Variants in TP53BP1 observed in about 807,000 individuals in gnomAD.
The protein encoded by TP53BP1 is tumor protein p53 binding protein 1.
Under a neutral mutation model 200.8 loss-of-function variants are expected in TP53BP1, and 61 were observed. The observed-to-expected ratio is 0.30, with a 90% CI of 0.25 to 0.38. TP53BP1 has a LOEUF of 0.38. Ranked by LOEUF, TP53BP1 falls within the 10% of genes least tolerant of loss-of-function variation. The pLI is 1.00. For missense variants in TP53BP1, 2,144 were observed against 2,371.9 expected, an observed-to-expected ratio of 0.90 and a Z score of 2.00; for synonymous variants, 822 against 844.3, an observed-to-expected ratio of 0.97 and a Z score of 0.46.
intron 7 of TP53BP1, among the ~76,000 whole-genome samples, chr15:43,479,129 G>C (rs540382982): frequency 2.0e-4 from 31 of 152,266 alleles, no homozygotes; most frequent in African/African-American, 7.2e-4. Context: ...TGTGGCCCCA[G>C]TACTTGGGAG....
chr15:43,435,267 C>A (rs1281564287), intron 16 of TP53BP1, among the ~76,000 whole-genome samples: 102 of 55,650 alleles, frequency 1.8e-3, no homozygotes, highest in South Asian at 3.8e-3. Context: ...GACCCCATCT[C>A]AAAAAAAAAA....
chr15:43,442,951 G>A (rs1267873780), intron 14 of TP53BP1, among the ~76,000 whole-genome samples: 2 of 147,552 alleles, frequency 1.4e-5, no homozygotes, highest in South Asian at 2.2e-4. Context: ...TTAGCCTCCC[G>A]AGTAGCTGGG....
At chr15:43,479,135 G>C (rs1240981055) in intron 7 of TP53BP1, among the ~76,000 whole-genome samples, 4 of 152,146 alleles carry the variant, frequency 2.6e-5, no homozygotes, top group Non-Finnish European at 5.9e-5. Context: ...CCCAGTACTT[G>C]GGAGGCTGGG....
chr15:43,481,839 A>T (rs2078973461), intron 4 of TP53BP1, among the ~76,000 whole-genome samples: 1 of 149,910 alleles, frequency 6.7e-6, no homozygotes, highest in South Asian at 2.1e-4. Flanking sequence ...AGAGAGAGAC[A>T]GAGTCTGTCT....
At chr15:43,417,561 G>T (rs2045295871) in intron 21 of TP53BP1, among the ~76,000 whole-genome samples, 1 of 152,170 alleles carries the variant, frequency 6.6e-6, no homozygotes, top group Admixed American at 6.5e-5. Context: ...TGAGCAAACA[G>T]CCTCAAGAAA....
At chr15:43,423,545 T>C (rs2045455345) in intron 18 of TP53BP1, among the ~76,000 whole-genome samples, 1 of 150,836 alleles carries the variant, frequency 6.6e-6, no homozygotes, top group Non-Finnish European at 1.5e-5. Flanking sequence ...TACTCCCAGG[T>C]ACTCGAAAAG....
At chr15:43,476,128 G>T (rs540035668) in intron 8 of TP53BP1, among the ~76,000 whole-genome samples, 1 of 152,284 alleles carries the variant, frequency 6.6e-6, no homozygotes, top group Admixed American at 6.5e-5. Flanking sequence ...AGCTGGGCGT[G>T]GTGGTATGCG....
chr15:43,405,473 C>A lies in TP53BP1; in HGVS notation c.*1910G>T. 1 of 556,002 alleles carries A rather than the reference C, an allele frequency of 1.8e-6. No individual in the cohort carries two copies. The highest frequency in any genetic ancestry group is 3.2e-6 in the Non-Finnish European group (1 of 311,768). 34.4% of individuals were successfully genotyped at this position (556,002 alleles called of 1,614,324 possible). ...ATTGAGAACATTTGTTGGATATGTT[C>A]ATTTATTCAATAGTCATTTATTGAG... is the stretch of plus-strand genomic sequence containing the variant. On this transcript the variant is annotated 3_prime_UTR_variant, in exon 28 of 28. Transcript: ENST00000382044.
In TP53BP1 at chr15:43,406,639, G is replaced by A. The variant is rs1354249146; in HGVS notation, c.*744C>T. 6 of 455,826 alleles carry A rather than the reference G, an allele frequency of 1.3e-5. No individual in the cohort carries two copies. The highest frequency in any genetic ancestry group is 2.6e-5 in the Non-Finnish European group (6 of 226,752). The allele number at this position is 455,826 out of a possible 1,614,324, so 28.2% of individuals were successfully genotyped here. A position where few individuals can be genotyped will look rare whatever the true frequency, so the allele number is the denominator to read the frequency against. On this transcript the variant is annotated 3_prime_UTR_variant, in exon 28 of 28. Transcript: ENST00000382044. ...TGACCCCTGCTTTAGAGAATGAGAA[G>A]CCATGCAGGGATCAGTGATGCCAGA...
chr15:43,497,947 A>G (rs886385503), upstream of TP53BP1, among the ~76,000 whole-genome samples: 2 of 152,206 alleles, frequency 1.3e-5, no homozygotes, highest in Non-Finnish European at 2.9e-5. Flanking sequence ...TAATATTTAA[A>G]GATGTGTACT....
At chr15:43,418,667 C>T (rs893080584) in intron 21 of TP53BP1, among the ~76,000 whole-genome samples, 2 of 152,096 alleles carry the variant, frequency 1.3e-5, no homozygotes, top group Non-Finnish European at 2.9e-5. Flanking sequence ...AAAGAACTAG[C>T]ACATGAAACA....
intron 1 of TP53BP1, among the ~76,000 whole-genome samples, chr15:43,500,417 ATGCTC>A (rs2079203657): frequency 6.6e-6 from 1 of 152,192 alleles, no homozygotes; most frequent in Non-Finnish European, 1.5e-5. Flanking sequence ...TTTCAAACAA[ATGCTC>A]AATCTTATTT....
intron 12 of TP53BP1, among the ~76,000 whole-genome samples, chr15:43,454,361 T>C (rs1015190896): frequency 1.4e-5 from 2 of 138,856 alleles, no homozygotes; most frequent in Non-Finnish European, 3.0e-5. Flanking sequence ...TTTTACATTA[T>C]AATAACTCTT....
rs1432304944 is a variant in TP53BP1 at position 43,415,583 on chromosome 15, G to C, written c.5089+11C>G. The C allele has an allele frequency of 6.2e-7, 1 of 1,614,008 alleles. No individual in the cohort carries two copies. The highest frequency in any genetic ancestry group is 1.7e-5 in the Admixed American group (1 of 60,036). ...GTCTGAAGGAAGAATGAGGCAAAAA[G>C]GAGCACTTACCAGGTTTTACTGTGG... is the stretch of plus-strand genomic sequence containing the variant. On this transcript the variant is annotated intron_variant, in intron 23 of 27. Transcript: ENST00000382044.
chr15:43,408,570 C>T, intron 26 of TP53BP1: 3 of 317,922 alleles, frequency 9.4e-6, no homozygotes, highest in South Asian at 4.1e-5. Flanking sequence ...TTCTAATTTC[C>T]ATGTTTGTTC....
intron 14 of TP53BP1, among the ~76,000 whole-genome samples, chr15:43,445,627 T>C (rs775512188): frequency 2.0e-5 from 3 of 152,190 alleles, no homozygotes; most frequent in Non-Finnish European, 4.4e-5. Context: ...AAAATGCAGA[T>C]ACCTACTTGG....
At chr15:43,472,199 T>A (rs1229351452) in intron 10 of TP53BP1, among the ~76,000 whole-genome samples, 1 of 152,196 alleles carries the variant, frequency 6.6e-6, no homozygotes, top group African/African-American at 2.4e-5. Context: ...CATTTCCTCA[T>A]CTGTAAAATG....
At chr15:43,508,638 T>C (rs2079251608) in intron 1 of TP53BP1, among the ~76,000 whole-genome samples, 1 of 152,150 alleles carries the variant, frequency 6.6e-6, no homozygotes, top group Non-Finnish European at 1.5e-5. Flanking sequence ...TCTCTAAATA[T>C]ATATACGTAT....
At chr15:43,490,515 C>T (rs2079107104) in intron 4 of TP53BP1, among the ~76,000 whole-genome samples, 1 of 152,020 alleles carries the variant, frequency 6.6e-6, no homozygotes, top group African/African-American at 2.4e-5. Context: ...TGAGCCACTG[C>T]GCCCAGCCAA....
Sources: allele counts gnomAD v4.1 joint callset (sites outside exome capture counted in the v4.1 genomes callset), GRCh38; gene constraint gnomAD v4.1.1; transcripts MANE v1.5; gene names NCBI Gene and HGNC (gene_info 2026-07-23, HGNC 2026-07-21).